PLA2G10: variants seen among roughly 807,000 people sequenced by gnomAD.
The protein encoded by PLA2G10 is phospholipase A2 group X, also known as group 10 secretory phospholipase A2.
Under a neutral mutation model 7.9 loss-of-function variants are expected in PLA2G10, and 9 were observed. The observed-to-expected ratio is 1.14, with a 90% CI of 0.68 to 1.98. PLA2G10 has a LOEUF of 1.98. Ranked by LOEUF, PLA2G10 falls within the 30% of genes most tolerant of loss-of-function variation. The pLI, the probability that PLA2G10 is intolerant of heterozygous loss-of-function variation, is 0.00. For synonymous variants in PLA2G10, 19 were observed against 27.5 expected (o/e 0.69, Z 0.97); for missense variants, 53 against 65.4 (o/e 0.81, Z 0.66).
chr16:14,679,023 G>C (rs1319144941), intron 3 of PLA2G10, among the ~76,000 whole-genome samples: 1 of 151,966 alleles, frequency 6.6e-6, no homozygotes, highest in Non-Finnish European at 1.5e-5. Flanking sequence ...CCACGTGGCT[G>C]TCTCCTCTGT....
chr16:14,680,466 C>T (rs577412234), intron 3 of PLA2G10, among the ~76,000 whole-genome samples: 1 of 152,256 alleles, frequency 6.6e-6, no homozygotes, highest in African/African-American at 2.4e-5. Flanking sequence ...TCACGGCTCA[C>T]TGCAGCCTGG....
At chr16:14,685,178 C>A (rs1961017695) in intron 3 of PLA2G10, among the ~76,000 whole-genome samples, 1 of 152,094 alleles carries the variant, frequency 6.6e-6, no homozygotes, top group East Asian at 1.9e-4. Flanking sequence ...TCAAGACCAG[C>A]CTGGCCAACA....
intron 3 of PLA2G10, among the ~76,000 whole-genome samples, chr16:14,682,857 T>C (rs2151852562): frequency 6.6e-6 from 1 of 152,158 alleles, no homozygotes; most frequent in African/African-American, 2.4e-5. Context: ...TCACCTGAGG[T>C]TAGGAGTTTG....
intron 3 of PLA2G10, among the ~76,000 whole-genome samples, chr16:14,677,977 G>A (rs1428430188): frequency 6.6e-6 from 1 of 152,106 alleles, no homozygotes; most frequent in Non-Finnish European, 1.5e-5. Context: ...AATAGATGGC[G>A]AGACAGATGA....
chr16:14,687,569 C>T (rs1406077581), intron 3 of PLA2G10, among the ~76,000 whole-genome samples: 11 of 152,166 alleles, frequency 7.2e-5, no homozygotes, highest in Middle Eastern at 3.4e-3. Flanking sequence ...CTGGTCCCCA[C>T]CCCCAGCCTC....
At chr16:14,678,785 A>G in intron 3 of PLA2G10, 1 of 379,826 alleles carries the variant, frequency 2.6e-6, no homozygotes, top group African/African-American at 2.1e-5. Context: ...AAAAATGCAA[A>G]TCAGGTCATG....
intron 3 of PLA2G10, among the ~76,000 whole-genome samples, chr16:14,673,095 C>G (rs1301140558): frequency 6.7e-6 from 1 of 149,702 alleles, no homozygotes; most frequent in East Asian, 1.9e-4. Flanking sequence ...TCTCAGCTCA[C>G]TGCAGCCTCC....
chr16:14,684,315 C>T (rs1470203371), intron 3 of PLA2G10, among the ~76,000 whole-genome samples: 1 of 62,860 alleles, frequency 1.6e-5, no homozygotes, highest in Non-Finnish European at 2.9e-5. Flanking sequence ...CCAGCCTGGA[C>T]AAAAAGAGTG....
At chr16:14,675,032 G>A (rs1332416286) in intron 3 of PLA2G10, among the ~76,000 whole-genome samples, 9 of 152,146 alleles carry the variant, frequency 5.9e-5, no homozygotes, top group East Asian at 1.9e-4. Flanking sequence ...TTAGCTGGGC[G>A]TAGTGGTACA....
intron 3 of PLA2G10, among the ~76,000 whole-genome samples, chr16:14,684,848 G>A (rs1191004526): frequency 1.3e-5 from 2 of 151,996 alleles, no homozygotes; most frequent in South Asian, 2.1e-4. Flanking sequence ...CAGGATTACC[G>A]TATGACCCAG....
chr16:14,686,020 TCTCA>T (rs1490836885), intron 3 of PLA2G10, among the ~76,000 whole-genome samples: 1 of 135,364 alleles, frequency 7.4e-6, no homozygotes, highest in African/African-American at 2.7e-5. Context: ...TGAGACAGGC[TCTCA>T]CTCTGTTGCC....
intron 3 of PLA2G10, among the ~76,000 whole-genome samples, chr16:14,673,967 A>G (rs1332987511): frequency 1.3e-5 from 2 of 152,168 alleles, no homozygotes; most frequent in Admixed American, 1.3e-4. Context: ...CAATGATACA[A>G]TCATATACCT....
At chr16:14,683,688 C>A (rs965688788) in intron 3 of PLA2G10, among the ~76,000 whole-genome samples, 16 of 152,172 alleles carry the variant, frequency 1.1e-4, no homozygotes, top group African/African-American at 2.4e-4. Flanking sequence ...GGATCAATGA[C>A]CTAAATATTA....
At chr16:14,685,182 G>A (rs1961017789) in intron 3 of PLA2G10, among the ~76,000 whole-genome samples, 1 of 151,966 alleles carries the variant, frequency 6.6e-6, no homozygotes, top group Non-Finnish European at 1.5e-5. Context: ...GACCAGCCTG[G>A]CCAACATGGT....
chr16:14,675,614 A>G (rs1960704581), intron 3 of PLA2G10, among the ~76,000 whole-genome samples: 1 of 152,128 alleles, frequency 6.6e-6, no homozygotes, highest in Non-Finnish European at 1.5e-5. Context: ...AAAAACTCAA[A>G]TCAGCAAGAA....
intron 3 of PLA2G10, among the ~76,000 whole-genome samples, chr16:14,686,881 G>A (rs1961085651): frequency 6.6e-6 from 1 of 152,078 alleles, no homozygotes; most frequent in Admixed American, 6.5e-5. Flanking sequence ...TGAGGCGGGT[G>A]GATCACTTGA....
At chr16:14,684,805 G>C (rs1961005936) in intron 3 of PLA2G10, among the ~76,000 whole-genome samples, 1 of 152,130 alleles carries the variant, frequency 6.6e-6, no homozygotes, top group South Asian at 2.1e-4. Flanking sequence ...CTGGGTGACA[G>C]AGCAAGACCC....
intron 3 of PLA2G10, among the ~76,000 whole-genome samples, chr16:14,687,288 G>GT (rs964262041): frequency 2.0e-5 from 3 of 150,508 alleles, no homozygotes; most frequent in East Asian, 2.0e-4. Context: ...TAATTGCAGG[G>GT]TTTTTTTTAT....
rs970290154 is a variant in PLA2G10, at chr16:14,687,562, G to A, written c.355+603C>T. On this transcript the variant is annotated intron_variant, in intron 3 of 3. Coordinates refer to ENST00000438167, the MANE Select transcript of PLA2G10 (RefSeq NM_003561.3). ...CTGGCCTCAAGCGATCCTCCTTCTG[G>A]TCCCCACCCCCAGCCTCTTTCTGAT... Among the ~76,000 whole-genome samples, 7 of 151,876 alleles carry A rather than the reference G, an allele frequency of 4.6e-5. No individual in the cohort carries two copies. The East Asian group carries it at 5.8e-4, about 13-fold the overall frequency.
Sources: allele counts gnomAD v4.1 joint callset (sites outside exome capture counted in the v4.1 genomes callset), GRCh38; gene constraint gnomAD v4.1.1; transcripts MANE v1.5; gene names NCBI Gene and HGNC (gene_info 2026-07-23, HGNC 2026-07-21).